RBFOX1: variants seen among roughly 807,000 people sequenced by gnomAD.
RBFOX1 encodes RNA binding fox-1 homolog 1.
In RBFOX1, 8 loss-of-function variants were observed where a neutral mutation model predicts 57.7. The ratio of observed to expected loss-of-function variants is 0.14; its 90% CI spans 0.08 to 0.25. The LOEUF (loss-of-function observed/expected upper bound fraction) is 0.25, where lower values mean the gene tolerates loss of function less well. Ranked by LOEUF, RBFOX1 falls within the 10% of genes least tolerant of loss-of-function variation. The pLI, the probability that RBFOX1 is intolerant of heterozygous loss-of-function variation, is 1.00. For synonymous variants in RBFOX1, 326 were observed against 222.4 expected (o/e 1.47, Z -4.15); for missense variants, 611 against 548.5 (o/e 1.11, Z -1.14).
intron 3 of RBFOX1, among the ~76,000 whole-genome samples, chr16:6,828,702 G>A (rs767713223): frequency 2.9e-4 from 44 of 152,092 alleles, no homozygotes; most frequent in South Asian, 1.9e-3. Flanking sequence ...AAGTCACTGT[G>A]ACTTGGGATG....
At chr16:7,208,269 C>T (rs375823041) in intron 4 of RBFOX1, among the ~76,000 whole-genome samples, 1 of 152,196 alleles carries the variant, frequency 6.6e-6, no homozygotes, top group Non-Finnish European at 1.5e-5. Flanking sequence ...CTCCCTTTGC[C>T]TCACAATGTG....
chr16:6,658,448 C>A (rs1032452514), intron 3 of RBFOX1, among the ~76,000 whole-genome samples: 2 of 152,050 alleles, frequency 1.3e-5, no homozygotes, highest in Admixed American at 6.6e-5. Flanking sequence ...ACCTCGTGAT[C>A]CGCCTGCTTC....
intron 2 of RBFOX1, among the ~76,000 whole-genome samples, chr16:6,426,965 A>G (rs1337196028): frequency 6.6e-6 from 1 of 152,058 alleles, no homozygotes; most frequent in Non-Finnish European, 1.5e-5. Flanking sequence ...CCTTTTCAGT[A>G]TTCTATCTCG....
chr16:6,136,100 T>C (rs907844912), intron 1 of RBFOX1, among the ~76,000 whole-genome samples: 1 of 152,126 alleles, frequency 6.6e-6, no homozygotes, highest in African/African-American at 2.4e-5. Context: ...TGGCCTGTTT[T>C]GACCTTTTTG....
At chr16:7,076,709 C>A (rs751254568) in intron 4 of RBFOX1, among the ~76,000 whole-genome samples, 1 of 152,126 alleles carries the variant, frequency 6.6e-6, no homozygotes, top group African/African-American at 2.4e-5. Context: ...TACCACCTTC[C>A]CATTTCTAAC....
chr16:5,706,097 G>C (rs1316455854), intron 3 of RBFOX1, among the ~76,000 whole-genome samples: 1 of 152,192 alleles, frequency 6.6e-6, no homozygotes, highest in Non-Finnish European at 1.5e-5. Context: ...TTTTAGTAGA[G>C]ATGGGGTTTC....
chr16:6,176,121 T>A (rs2097005349), intron 1 of RBFOX1, among the ~76,000 whole-genome samples: 1 of 152,062 alleles, frequency 6.6e-6, no homozygotes, highest in African/African-American at 2.4e-5. Context: ...ATCCCAGCCC[T>A]AAATTACTAC....
At chr16:6,986,450 C>T (rs1363680697) in intron 3 of RBFOX1, among the ~76,000 whole-genome samples, 3 of 152,118 alleles carry the variant, frequency 2.0e-5, no homozygotes, top group Non-Finnish European at 2.9e-5. Flanking sequence ...CCCCCTGCCT[C>T]AGCCTCCCAA....
chr16:6,478,411 ATATATATATATATATATATT>A (rs1373273792), intron 2 of RBFOX1, among the ~76,000 whole-genome samples: 20 of 29,424 alleles, frequency 6.8e-4, no homozygotes, highest in South Asian at 3.0e-3. Context: ...ATATATATAT[ATATATATATATATATATATT>A]TTTTTTTTTT....
intron 4 of RBFOX1, among the ~76,000 whole-genome samples, chr16:7,079,483 G>C (rs1382719917): frequency 2.0e-5 from 3 of 152,148 alleles, no homozygotes; most frequent in Non-Finnish European, 4.4e-5. Flanking sequence ...AGAATAGAGG[G>C]AGCTATTCAG....
chr16:6,866,835 C>T (rs1182375767), intron 3 of RBFOX1, among the ~76,000 whole-genome samples: 2 of 151,928 alleles, frequency 1.3e-5, no homozygotes, highest in African/African-American at 4.8e-5. Flanking sequence ...AGCCACCGCG[C>T]CCAGCTAAAG....
At chr16:5,662,887 G>A (rs1156811577) in intron 3 of RBFOX1, among the ~76,000 whole-genome samples, 1 of 152,168 alleles carries the variant, frequency 6.6e-6, no homozygotes, top group Non-Finnish European at 1.5e-5. Flanking sequence ...TAGGTTAAAA[G>A]GATTAAATAA....
chr16:5,466,557 G>C (rs1220336437), intron 1 of RBFOX1, among the ~76,000 whole-genome samples: 1 of 152,186 alleles, frequency 6.6e-6, no homozygotes, highest in African/African-American at 2.4e-5. Flanking sequence ...GGGAATCCTA[G>C]TTCAGGAGCT....
At chr16:5,876,428 T>C (rs1471335062) in intron 4 of RBFOX1, among the ~76,000 whole-genome samples, 1 of 152,184 alleles carries the variant, frequency 6.6e-6, no homozygotes, top group Non-Finnish European at 1.5e-5. Context: ...CCCGAGGCTA[T>C]CAGACCCCCA....
intron 4 of RBFOX1, among the ~76,000 whole-genome samples, chr16:5,917,809 G>A (rs922189748): frequency 2.6e-5 from 4 of 152,100 alleles, no homozygotes; most frequent in Non-Finnish European, 5.9e-5. Context: ...AATTCATACC[G>A]GGTTGTGACT....
intron 11 of RBFOX1, among the ~76,000 whole-genome samples, chr16:7,640,670 C>A (rs1009979488): frequency 6.6e-6 from 1 of 152,108 alleles, no homozygotes; most frequent in Admixed American, 6.5e-5. Flanking sequence ...CCTGGAAACC[C>A]CAAGTCCTGT....
At chr16:7,526,435 C>G (rs2078725357) in intron 5 of RBFOX1, among the ~76,000 whole-genome samples, 1 of 152,204 alleles carries the variant, frequency 6.6e-6, no homozygotes, top group Non-Finnish European at 1.5e-5. Context: ...GGAGCTCAAG[C>G]TGACCATTGA....
chr16:7,161,969 A>G (rs548172288), intron 4 of RBFOX1, among the ~76,000 whole-genome samples: 2 of 152,306 alleles, frequency 1.3e-5, no homozygotes, highest in African/African-American at 4.8e-5. Flanking sequence ...ATGAACCACT[A>G]AAAACATATT....
intron 2 of RBFOX1, among the ~76,000 whole-genome samples, chr16:6,378,967 T>C (rs1397154795): frequency 6.6e-6 from 1 of 151,894 alleles, no homozygotes; most frequent in Non-Finnish European, 1.5e-5. Flanking sequence ...AAAAAGAAAG[T>C]AGCAATGGAG....
Sources: allele counts gnomAD v4.1 joint callset (sites outside exome capture counted in the v4.1 genomes callset), GRCh38; gene constraint gnomAD v4.1.1; transcripts MANE v1.5; gene names NCBI Gene and HGNC (gene_info 2026-07-23, HGNC 2026-07-21).